CEP128: variants seen among roughly 807,000 people sequenced by gnomAD.
CEP128 encodes centrosomal protein 128kDa.
CEP128 carries 132 observed loss-of-function variants against 156.7 expected under a neutral mutation model. The observed-to-expected ratio is 0.84, with a 90% CI of 0.73 to 0.97. The LOEUF (loss-of-function observed/expected upper bound fraction) is 0.97, where lower values mean the gene tolerates loss of function less well. Ranked by LOEUF, CEP128 falls within the 50% of genes least tolerant of loss-of-function variation. CEP128 has a pLI of 0.00. For synonymous variants in CEP128, 469 were observed against 448.9 expected (o/e 1.04, Z -0.57); for missense variants, 1,252 against 1,281.9 (o/e 0.98, Z 0.36).
At chr14:80,593,987 G>T (rs137931311) in intron 19 of CEP128, among the ~76,000 whole-genome samples, 1 of 152,220 alleles carries the variant, frequency 6.6e-6, no homozygotes, top group East Asian at 1.9e-4. Flanking sequence ...ATTTCATATG[G>T]AACCAAAATA....
At chr14:80,822,857 T>C (rs1885264643) in intron 13 of CEP128, 1 of 679,522 alleles carries the variant, frequency 1.5e-6, no homozygotes, top group Non-Finnish European at 2.7e-6. Context: ...GAAATACTAT[T>C]TTTTATCAAG....
chr14:80,687,063 T>G (rs1360937562), intron 19 of CEP128, among the ~76,000 whole-genome samples: 1 of 152,082 alleles, frequency 6.6e-6, no homozygotes, highest in Non-Finnish European at 1.5e-5. Context: ...ATTCAGGAGT[T>G]GAACACAGCT....
At chr14:80,637,173 A>C (rs1894221012) in intron 19 of CEP128, among the ~76,000 whole-genome samples, 1 of 152,144 alleles carries the variant, frequency 6.6e-6, no homozygotes, top group African/African-American at 2.4e-5. Flanking sequence ...TCTTAGAATA[A>C]AACTAAAATT....
chr14:80,926,463 G>A (rs373190771), intron 2 of CEP128, among the ~76,000 whole-genome samples: 27 of 152,282 alleles, frequency 1.8e-4, no homozygotes, highest in Middle Eastern at 3.4e-3. Context: ...TGCGACCAGG[G>A]AACTGCCCTC....
intron 18 of CEP128, among the ~76,000 whole-genome samples, chr14:80,755,338 T>C (rs1397778053): frequency 1.3e-5 from 2 of 152,134 alleles, no homozygotes; most frequent in Admixed American, 6.5e-5. Flanking sequence ...AATAGATCTA[T>C]TCCATTAGTT....
chr14:80,586,713 T>C (rs1891836596), intron 19 of CEP128, among the ~76,000 whole-genome samples: 1 of 152,186 alleles, frequency 6.6e-6, no homozygotes, highest in South Asian at 2.1e-4. Flanking sequence ...ATGGCTATGA[T>C]GGAAAGCAAA....
intron 8 of CEP128, among the ~76,000 whole-genome samples, chr14:80,882,616 C>G (rs901702674): frequency 6.6e-6 from 1 of 152,098 alleles, no homozygotes; most frequent in Non-Finnish European, 1.5e-5. Flanking sequence ...ATCTGCATTC[C>G]CATGTTTGTT....
At chr14:80,950,199 A>G (rs1053098908) in intron 2 of CEP128, among the ~76,000 whole-genome samples, 2 of 152,170 alleles carry the variant, frequency 1.3e-5, no homozygotes, top group African/African-American at 4.8e-5. Context: ...AGCGACCACT[A>G]GAAGCTAGGA....
chr14:80,697,308 C>T (rs2139341222), intron 19 of CEP128, among the ~76,000 whole-genome samples: 1 of 152,150 alleles, frequency 6.6e-6, no homozygotes, highest in Admixed American at 6.5e-5. Flanking sequence ...GTTCTCCTTA[C>T]ACAATAAAAA....
intron 19 of CEP128, among the ~76,000 whole-genome samples, chr14:80,590,812 G>A (rs1330043466): frequency 1.3e-5 from 2 of 152,078 alleles, no homozygotes; most frequent in Non-Finnish European, 2.9e-5. Flanking sequence ...GGATCTCTTG[G>A]CAGAAACCCT....
intron 20 of CEP128, among the ~76,000 whole-genome samples, chr14:80,575,487 T>C (rs139404691): frequency 1.0e-3 from 158 of 152,260 alleles, no homozygotes; most frequent in African/African-American, 3.8e-3. Flanking sequence ...TGAATTTAAA[T>C]TTCAGAGTTG....
intron 19 of CEP128, among the ~76,000 whole-genome samples, chr14:80,618,922 T>A (rs984425094): frequency 6.6e-6 from 1 of 152,220 alleles, no homozygotes; most frequent in African/African-American, 2.4e-5. Flanking sequence ...AAACTGTGAA[T>A]AGTGTTGCGC....
intron 23 of CEP128, among the ~76,000 whole-genome samples, chr14:80,526,378 C>A (rs1187933021): frequency 1.3e-5 from 2 of 152,080 alleles, no homozygotes. Flanking sequence ...ACGGTTAAGT[C>A]TTCCCAGTGT....
chr14:80,735,063 C>T (rs1898465303), intron 19 of CEP128, among the ~76,000 whole-genome samples: 1 of 151,918 alleles, frequency 6.6e-6, no homozygotes, highest in Non-Finnish European at 1.5e-5. Context: ...AAGTGATAAA[C>T]CAAAACAACT....
chr14:80,672,956 A>G (rs2140935756), intron 19 of CEP128, among the ~76,000 whole-genome samples: 1 of 152,316 alleles, frequency 6.6e-6, no homozygotes, highest in South Asian at 2.1e-4. Context: ...TTTATTCTCA[A>G]ACTTAAGGTT....
At position 80,870,328 on chromosome 14, in the gene CEP128, TA is replaced by T. The variant is rs376014727; in HGVS notation, c.646-7456del. On this transcript the variant is annotated intron_variant, in intron 8 of 24. Transcript: ENST00000555265. ...CCAATATCCCCGATGAACACAGATG[TA>T]AAAATCCTCTGCAAAATACTAGCAA... 5.9e-4 allele frequency among the ~76,000 whole-genome samples: 90 copies of T among 152,050 alleles called. 1 individual carries two copies. The South Asian group carries it at 0.017, about 28-fold the overall frequency.
Position 80,946,957 on chromosome 14 carries a change from T to C in CEP128, c.-171-7417A>G, listed in dbSNP as rs561801572. ...TATCACAAGAACTGTTGTTTAAAAG[T>C]GTGAAGCACTTCCCCCTTCACTCTC... On this transcript the variant is annotated intron_variant, in intron 2 of 7. Transcript: ENST00000555529. Among the ~76,000 whole-genome samples the C allele has an allele frequency of 3.3e-5, 5 of 152,236 alleles. No homozygotes were observed. In the South Asian group the frequency reaches 1.0e-3, roughly 32 times the overall value.
At position 80,938,277 on chromosome 14, in the gene CEP128, T is replaced by C. The variant is rs145063029; in HGVS notation, c.-16+1108A>G. Reference sequence around the variant, plus strand: ...TTTTTTTTTTTTTGAGACAGAGTCTTGCTCTGTCGCCCAGGCTGGAGTGCA... The same window carrying C: ...TTTTTTTTTTTTTGAGACAGAGTCTCGCTCTGTCGCCCAGGCTGGAGTGCA... On this transcript the variant is annotated intron_variant, in intron 2 of 24. Transcript: ENST00000555265. Among the ~76,000 whole-genome samples the C allele has an allele frequency of 4.3e-3, 623 of 143,802 alleles. 5 individuals are homozygous for C. The highest frequency in any genetic ancestry group is 0.015 in the African/African-American group (570 of 39,186). 94.3% of individuals were successfully genotyped at this position (143,802 alleles called of 152,430 possible). A position where few individuals can be genotyped will look rare whatever the true frequency, so the allele number is the denominator to read the frequency against.
chr14:80,840,941 T>C (rs1435297538), intron 9 of CEP128, among the ~76,000 whole-genome samples, 173 bp from the exon 10 acceptor site: 2 of 152,100 alleles, frequency 1.3e-5, no homozygotes, highest in African/African-American at 4.8e-5. Context: ...TATAAACAAT[T>C]CCTGATCACC....
Sources: gnomAD v4.1 joint callset for allele counts (sites outside exome capture counted in the v4.1 genomes callset) on GRCh38, gnomAD v4.1.1 for gene constraint, MANE v1.5 for transcripts, NCBI Gene and HGNC (gene_info 2026-07-23, HGNC 2026-07-21) for gene names.